The following TLR6 variants were observed in gnomAD, a reference collection of about 807,000 sequenced individuals.
The protein encoded by TLR6 is toll like receptor 6.
TLR6 carries 9 observed loss-of-function variants against 16.1 expected under a neutral mutation model. The observed-to-expected ratio is 0.56, with a 90% CI of 0.34 to 0.98. TLR6 has a LOEUF of 0.98. TLR6 is among the 50% of genes least tolerant of loss of function. TLR6 has a pLI of 0.02. For missense variants in TLR6, 786 were observed against 921.0 expected, an observed-to-expected ratio of 0.85 and a Z score of 1.90; for synonymous variants, 340 against 338.6, an observed-to-expected ratio of 1.00 and a Z score of -0.04.
At chr4:38,853,053 A>C (rs1712830245) in intron 1 of TLR6, among the ~76,000 whole-genome samples, 1 of 97,586 alleles carries the variant, frequency 1.0e-5, no homozygotes. Flanking sequence ...ATGCAGCCAT[A>C]AAAAAGGATG....
intron 1 of TLR6, among the ~76,000 whole-genome samples, chr4:38,838,565 G>C (rs997448563): frequency 6.6e-6 from 1 of 152,132 alleles, no homozygotes; most frequent in Non-Finnish European, 1.5e-5. Flanking sequence ...GTAGAGAGTA[G>C]AACAATAGTT....
At chr4:38,839,445 T>C (rs961888082) in intron 1 of TLR6, among the ~76,000 whole-genome samples, 2 of 152,196 alleles carry the variant, frequency 1.3e-5, no homozygotes, top group African/African-American at 4.8e-5. Context: ...GAAGTTCTTT[T>C]ATCCTTCCCC....
intron 1 of TLR6, among the ~76,000 whole-genome samples, chr4:38,847,523 C>G (rs945025905): frequency 1.3e-5 from 2 of 151,698 alleles, no homozygotes; most frequent in Admixed American, 1.3e-4. Flanking sequence ...GTCAGGAATT[C>G]CCTTTCCTAG....
chr4:38,837,043 G>A (rs1179280052), intron 1 of TLR6, among the ~76,000 whole-genome samples: 2 of 151,406 alleles, frequency 1.3e-5, no homozygotes, highest in Non-Finnish European at 2.9e-5. Flanking sequence ...AAGGCAAAAG[G>A]CCCCTACAAC....
chr4:38,844,901 A>C (rs1056909538), intron 1 of TLR6, among the ~76,000 whole-genome samples: 1 of 151,360 alleles, frequency 6.6e-6, no homozygotes, highest in African/African-American at 2.4e-5. Flanking sequence ...TAAACAAACA[A>C]AAAAAAAATT....
At chr4:38,836,272 T>C (rs1711911085) in intron 1 of TLR6, among the ~76,000 whole-genome samples, 1 of 151,600 alleles carries the variant, frequency 6.6e-6, no homozygotes, top group Admixed American at 6.6e-5. Flanking sequence ...CCAAAATAAA[T>C]AAAATCAGAA....
exon 2 of TLR6, chr4:38,827,212 G>A: frequency 6.2e-7 from 1 of 1,614,182 alleles, no homozygotes; most frequent in Non-Finnish European, 8.5e-7. Flanking sequence ...GCTGCGTCAT[G>A]AGAGCCTTCA....
At chr4:38,862,017 C>A in the TLR6 span, among the ~76,000 whole-genome samples, 10 of 152,284 alleles carry the variant, frequency 6.6e-5, no homozygotes, top group South Asian at 6.2e-4. Context: ...CATTCTCACG[C>A]GATGATGCTT....
intron 1 of TLR6, among the ~76,000 whole-genome samples, chr4:38,831,634 A>C (rs2109419842): frequency 6.6e-6 from 1 of 152,346 alleles, no homozygotes; most frequent in South Asian, 2.1e-4. Flanking sequence ...TTGTATCCAA[A>C]CTATGCAAAG....
chr4:38,838,962 A>AAGGGG (rs1560267332), intron 1 of TLR6, among the ~76,000 whole-genome samples: 1 of 111,258 alleles, frequency 9.0e-6, no homozygotes, highest in African/African-American at 4.9e-5. Context: ...GGAAGGAAGG[A>AAGGGG]AGGGGAGGAA....
exon 2 of TLR6, chr4:38,827,881 G>C: frequency 2.5e-6 from 4 of 1,614,194 alleles, no homozygotes; most frequent in Non-Finnish European, 3.4e-6. Context: ...AGGTACATTG[G>C]AATGGATTGT....
chr4:38,838,903 A>AGAAG (rs1329298680), intron 1 of TLR6, among the ~76,000 whole-genome samples: 2 of 130,404 alleles, frequency 1.5e-5, no homozygotes, highest in Non-Finnish European at 3.2e-5. Context: ...AGAGAAAAAG[A>AGAAG]GAAGGAAGGA....
intron 1 of TLR6, among the ~76,000 whole-genome samples, chr4:38,849,528 G>A (rs369697786): frequency 0.017 from 2,535 of 152,134 alleles, 77 homozygotes; most frequent in African/African-American, 0.054. Flanking sequence ...GTATTCAGGA[G>A]ACCCATCTCA....
upstream of TLR6, among the ~76,000 whole-genome samples, chr4:38,859,387 G>A (rs59418626): frequency 0.031 from 4,705 of 152,176 alleles, 206 homozygotes; most frequent in African/African-American, 0.085. Flanking sequence ...CTGAGAGAAT[G>A]AATTTTTGTT....
At chr4:38,837,283 T>C (rs1278577300) in intron 1 of TLR6, among the ~76,000 whole-genome samples, 1 of 152,018 alleles carries the variant, frequency 6.6e-6, no homozygotes, top group African/African-American at 2.4e-5. Flanking sequence ...GCCAAATCAG[T>C]ACTGAGGAAA....
chr4:38,857,813 T>TG (rs1713052339), upstream of TLR6, among the ~76,000 whole-genome samples: 1 of 152,140 alleles, frequency 6.6e-6, no homozygotes, highest in African/African-American at 2.4e-5. Flanking sequence ...TCCTCAGGCC[T>TG]GGGGAGGCTC....
intron 1 of TLR6, among the ~76,000 whole-genome samples, chr4:38,854,514 T>C (rs939049104): frequency 6.7e-6 from 1 of 148,922 alleles, no homozygotes; most frequent in African/African-American, 2.4e-5. Context: ...TCTTAAAAGA[T>C]TTTTTAAAAG....
the TLR6 span, among the ~76,000 whole-genome samples, chr4:38,864,613 A>G: frequency 6.6e-6 from 1 of 152,252 alleles, no homozygotes; most frequent in South Asian, 2.1e-4. Flanking sequence ...CAAAAATATA[A>G]TGCAAGTTAA....
At position 38,839,437 on chromosome 4, in the gene TLR6, A is replaced by C. The variant is rs187353420; in HGVS notation, c.-64-9900T>G. 2.6e-5 allele frequency among the ~76,000 whole-genome samples: 4 copies of C among 152,270 alleles called. No homozygotes were observed. The East Asian group carries it at 7.7e-4, about 29-fold the overall frequency. On this transcript the variant is annotated intron_variant, in intron 1 of 1. Coordinates refer to ENST00000436693, the Ensembl canonical transcript of TLR6. ...AATAGTTATTCTCTTTTAAAGAAGA[A>C]GTTCTTTTATCCTTCCCCACCACCA...
Sources: gnomAD v4.1 joint callset for allele counts (sites outside exome capture counted in the v4.1 genomes callset) on GRCh38, gnomAD v4.1.1 for gene constraint, MANE v1.5 for transcripts, NCBI Gene and HGNC (gene_info 2026-07-23, HGNC 2026-07-21) for gene names.